Variants in HERC4 observed in about 807,000 individuals in gnomAD.
The protein encoded by HERC4 is probable E3 ubiquitin-protein ligase HERC4.
Under a neutral mutation model 124.3 loss-of-function variants are expected in HERC4, and 28 were observed. That is an observed-to-expected ratio of 0.23 (90% confidence interval 0.17 to 0.31). The LOEUF (loss-of-function observed/expected upper bound fraction) is 0.31. HERC4 is among the 10% of genes least tolerant of loss of function. The pLI, the probability that HERC4 is intolerant of heterozygous loss-of-function variation, is 1.00. For missense variants in HERC4, 713 were observed against 1,229.3 expected, an observed-to-expected ratio of 0.58 and a Z score of 6.28; for synonymous variants, 407 against 421.5, an observed-to-expected ratio of 0.97 and a Z score of 0.42.
chr10:67,960,964 G>T, intron 16 of HERC4: 1 of 357,792 alleles, frequency 2.8e-6, no homozygotes, highest in South Asian at 2.5e-5. Flanking sequence ...CTTGGATCAT[G>T]ATTTTCATCA....
chr10:68,063,179 T>C (rs769701921), intron 3 of HERC4, among the ~76,000 whole-genome samples: 3 of 152,170 alleles, frequency 2.0e-5, no homozygotes, highest in Non-Finnish European at 4.4e-5. Context: ...CATGTTGTAA[T>C]AGAAAGCTTG....
At chr10:67,927,076 A>C (rs895824008) in intron 23 of HERC4, among the ~76,000 whole-genome samples, 11 of 152,168 alleles carry the variant, frequency 7.2e-5, no homozygotes, top group Non-Finnish European at 4.4e-5. Flanking sequence ...ACTCTCAATA[A>C]TTCAAATATG....
rs558271718 is a variant in HERC4, at chr10:68,049,083, G to GTA, written c.227-4522_227-4521dup. 8.1e-3 allele frequency among the ~76,000 whole-genome samples: 1,225 copies of GTA among 151,168 alleles called. 34 individuals carry two copies. The highest frequency in any genetic ancestry group is 0.06 in the Admixed American group (914 of 15,156). On this transcript the variant is annotated intron_variant, in intron 3 of 24. Transcript: ENST00000373700. ...TCTACAGATATACCTCTGTGTATGT[G>GTA]TATATATATATATTTGCAGCACTAT...
At chr10:68,032,754 A>G (rs923102465) in intron 7 of HERC4, 24 bp downstream of exon 7, 3 of 1,174,562 alleles carry the variant, frequency 2.6e-6, no homozygotes, top group African/African-American at 3.0e-5. Context: ...GAGTAATAAT[A>G]AAGAAGTTTT....
chr10:68,030,266 C>T (rs749181954), intron 7 of HERC4, among the ~76,000 whole-genome samples: 2 of 151,454 alleles, frequency 1.3e-5, no homozygotes, highest in African/African-American at 2.4e-5. Context: ...AGGGTGAAAC[C>T]CCATCTCTAC....
chr10:68,055,723 G>GTTTTAT (rs2040514139), intron 3 of HERC4, among the ~76,000 whole-genome samples: 1 of 147,468 alleles, frequency 6.8e-6, no homozygotes, highest in Admixed American at 6.8e-5. Context: ...CCAAAATATA[G>GTTTTAT]TTTTATTTTT....
chr10:67,976,297 A>T (rs183192778), intron 15 of HERC4, among the ~76,000 whole-genome samples: 1 of 152,198 alleles, frequency 6.6e-6, no homozygotes, highest in Non-Finnish European at 1.5e-5. Context: ...AAAAAACACA[A>T]TGGCTTTCCC....
chr10:67,961,803 AAGC>A (rs1260824995), intron 16 of HERC4, among the ~76,000 whole-genome samples: 1 of 151,678 alleles, frequency 6.6e-6, no homozygotes, highest in African/African-American at 2.4e-5. Context: ...GTGTAAGCAT[AAGC>A]AAAACATCAC....
intron 3 of HERC4, among the ~76,000 whole-genome samples, chr10:68,056,684 G>A (rs1009503371): frequency 2.0e-5 from 3 of 152,166 alleles, no homozygotes; most frequent in Non-Finnish European, 2.9e-5. Context: ...AACTGGAGCA[G>A]GGAGATCAGT....
At chr10:68,017,457 A>C (rs1371985025) in intron 8 of HERC4, among the ~76,000 whole-genome samples, 1 of 152,162 alleles carries the variant, frequency 6.6e-6, no homozygotes, top group African/African-American at 2.4e-5. Context: ...ACCAATACAG[A>C]CATTATAAAT....
intron 20 of HERC4, among the ~76,000 whole-genome samples, chr10:67,940,267 T>C (rs563107291): frequency 1.7e-4 from 26 of 152,290 alleles, no homozygotes; most frequent in African/African-American, 5.8e-4. Flanking sequence ...GCATTTTATT[T>C]AATAAAAATA....
intron 8 of HERC4, among the ~76,000 whole-genome samples, chr10:68,020,237 T>C (rs998172261): frequency 2.0e-5 from 3 of 152,098 alleles, no homozygotes; most frequent in East Asian, 1.9e-4. Flanking sequence ...TATTATTAAA[T>C]GTCCAGTTTT....
chr10:68,028,567 A>C (rs1162992542), intron 7 of HERC4, among the ~76,000 whole-genome samples: 1 of 152,208 alleles, frequency 6.6e-6, no homozygotes, highest in African/African-American at 2.4e-5. Context: ...TTAGTGGAGA[A>C]TCTACAACAA....
intron 9 of HERC4, chr10:67,996,096 A>G: frequency 2.3e-6 from 1 of 439,618 alleles, no homozygotes; most frequent in Non-Finnish European, 4.5e-6. Flanking sequence ...ACTTGAGCCC[A>G]GGAGTTCAAG....
chr10:68,061,154 A>C (rs2040989141), intron 3 of HERC4, among the ~76,000 whole-genome samples: 1 of 152,252 alleles, frequency 6.6e-6, no homozygotes, highest in Admixed American at 6.5e-5. Flanking sequence ...AGTTAAAATT[A>C]CTTCAGCTAC....
intron 16 of HERC4, among the ~76,000 whole-genome samples, chr10:67,958,256 T>A (rs2034273730): frequency 6.6e-6 from 1 of 152,324 alleles, no homozygotes; most frequent in East Asian, 1.9e-4. Flanking sequence ...CTTCAGTATT[T>A]TTCATGTGAC....
chr10:68,002,774 A>C (rs2037308125), intron 9 of HERC4, among the ~76,000 whole-genome samples: 1 of 151,604 alleles, frequency 6.6e-6, no homozygotes, highest in African/African-American at 2.4e-5. Context: ...AATTTTTTGT[A>C]TTTTTAGTTC....
At chr10:67,939,727 T>G in intron 20 of HERC4, 73 bp from the exon 21 acceptor site, 1 of 633,448 alleles carries the variant, frequency 1.6e-6, no homozygotes, top group South Asian at 2.4e-5. Flanking sequence ...TATGGATATA[T>G]ATATATATAT....
At chr10:68,061,057 T>C (rs1390380721) in intron 3 of HERC4, among the ~76,000 whole-genome samples, 3 of 152,156 alleles carry the variant, frequency 2.0e-5, no homozygotes, top group East Asian at 3.8e-4. Flanking sequence ...CCCACACCGT[T>C]TCCCTTTCAC....
Sources: allele counts gnomAD v4.1 joint callset (sites outside exome capture counted in the v4.1 genomes callset), GRCh38; gene constraint gnomAD v4.1.1; transcripts MANE v1.5; gene names NCBI Gene and HGNC (gene_info 2026-07-23, HGNC 2026-07-21).